SFSWAP: variants seen among roughly 807,000 people sequenced by gnomAD.
SFSWAP encodes splicing factor SWAP.
Under a neutral mutation model 100.7 loss-of-function variants are expected in SFSWAP, and 17 were observed. That is an observed-to-expected ratio of 0.17 (90% confidence interval 0.12 to 0.25). SFSWAP has a LOEUF of 0.25. Among genes scored for constraint, SFSWAP ranks in the 10% least tolerant of loss-of-function variants. SFSWAP has a pLI of 1.00. For missense variants in SFSWAP, 1,005 were observed against 1,262.6 expected (o/e 0.80, Z 3.09); for synonymous variants, 504 against 510.1 (o/e 0.99, Z 0.16).
At chr12:131,732,961 C>T (rs1211930937) in intron 7 of SFSWAP, among the ~76,000 whole-genome samples, 1 of 152,154 alleles carries the variant, frequency 6.6e-6, no homozygotes, top group Admixed American at 6.5e-5. Context: ...GGGCTAGTGT[C>T]CTTGGAGCAC....
At position 131,778,070 on chromosome 12, in the gene SFSWAP, C is replaced by A; in HGVS notation, c.2148C>A (p.Ser716=). ...GATTTTCCTTTTATTCTTAGGAATC[C>A]AGCACTACGCCCTGCCCTCTACTGA... ...IEESPFSVEE[S]STTPCPLLTG... Residue 716 remains serine (S), a synonymous_variant, in exon 14 of 18, where the codon TCC becomes TCA. Transcript: ENST00000261674. This position sits in a 1 kb window ranked among gnomAD's most constrained non-coding sequence, Gnocchi z 4.2. 2 of 1,603,676 alleles carry A rather than the reference C, an allele frequency of 1.2e-6. No homozygotes were observed. The highest frequency in any genetic ancestry group is 1.1e-5 in the South Asian group (1 of 90,222).
At position 131,714,466 on chromosome 12, in the gene SFSWAP, G is replaced by T; in HGVS notation, c.388+226G>T. 1 of 501,762 alleles carries T rather than the reference G, an allele frequency of 2.0e-6. No individual in the cohort carries two copies. 31.1% of individuals were successfully genotyped at this position (501,762 alleles called of 1,614,324 possible). On this transcript the variant is annotated intron_variant, in intron 2 of 17. Coordinates refer to ENST00000261674, the MANE Select transcript of SFSWAP (RefSeq NM_004592.4). This position sits in a 1 kb window ranked among gnomAD's most constrained non-coding sequence, Gnocchi z 6.0. ...AGCTTTTGAGGGCAGACTGGGATTT[G>T]AAAAAAACAAAAACCAAACTCTTTA...
At chr12:131,755,320 G>A in intron 9 of SFSWAP, 66 bp from the exon 10 acceptor site, 1 of 1,087,132 alleles carries the variant, frequency 9.2e-7, no homozygotes, top group Non-Finnish European at 1.4e-6. Flanking sequence ...TAGGAGAACA[G>A]GGCCTGTTGT....
intron 7 of SFSWAP, among the ~76,000 whole-genome samples, chr12:131,751,881 A>G (rs1222801580): frequency 1.3e-5 from 2 of 152,202 alleles, no homozygotes; most frequent in African/African-American, 2.4e-5. Flanking sequence ...ATCTGTGTTG[A>G]CGATAATGTG....
At position 131,762,429 on chromosome 12, in the gene SFSWAP, T is replaced by C. The variant is rs1882755076; in HGVS notation, c.1721-2027T>C. ...CTTTCTCAAAAAAAATAAAATAAAA[T>C]GTAAAATGAAATAAGCATTGCTAGA... On this transcript the variant is annotated intron_variant, in intron 11 of 17. Transcript: ENST00000261674. Among the ~76,000 whole-genome samples the C allele has an allele frequency of 3.9e-5, 6 of 152,216 alleles. No homozygotes were observed. In the South Asian group the frequency reaches 1.2e-3, roughly 32 times the overall value.
intron 11 of SFSWAP, among the ~76,000 whole-genome samples, chr12:131,762,791 G>A (rs1056649877): frequency 1.3e-5 from 2 of 152,182 alleles, no homozygotes; most frequent in Admixed American, 1.3e-4. Context: ...AGTAGAGACA[G>A]GGTTTCACCG....
chr12:131,766,525 A>G (rs1883133355), intron 13 of SFSWAP, among the ~76,000 whole-genome samples: 1 of 152,218 alleles, frequency 6.6e-6, no homozygotes, highest in Non-Finnish European at 1.5e-5. Context: ...CGCCAGCAGC[A>G]AACACTGCCC....
intron 7 of SFSWAP, among the ~76,000 whole-genome samples, chr12:131,744,674 A>G (rs1880953235): frequency 1.3e-5 from 2 of 152,180 alleles, no homozygotes; most frequent in African/African-American, 4.8e-5. Context: ...TCACTTCCAC[A>G]TTCTGGGGTT....
At chr12:131,762,432 A>G (rs1882755759) in intron 11 of SFSWAP, among the ~76,000 whole-genome samples, 1 of 152,224 alleles carries the variant, frequency 6.6e-6, no homozygotes, top group African/African-American at 2.4e-5. Flanking sequence ...AATAAAATGT[A>G]AAATGAAATA....
chr12:131,714,325 T>A lies in SFSWAP; in HGVS notation c.388+85T>A, dbSNP rs1877684215. ...AAATTTACTCCCATTCATTTTTTTATACTCACTCTTTCTGATATTATCTTG... is the reference window on the plus strand; with the variant it reads ...AAATTTACTCCCATTCATTTTTTTAAACTCACTCTTTCTGATATTATCTTG... On this transcript the variant is annotated intron_variant, in intron 2 of 17. Coordinates refer to ENST00000261674, the MANE Select transcript of SFSWAP (RefSeq NM_004592.4). This position sits in a 1 kb window ranked among gnomAD's most constrained non-coding sequence, Gnocchi z 6.0. The A allele has an allele frequency of 8.8e-7, 1 of 1,132,272 alleles. No individual in the cohort carries two copies. Among genetic ancestry groups the A allele is most frequent in the South Asian group, 1.5e-5 (1 of 65,578 alleles). The allele number at this position is 1,132,272 out of a possible 1,614,324, so 70.1% of individuals were successfully genotyped here. A position where few individuals can be genotyped will look rare whatever the true frequency, so the allele number is the denominator to read the frequency against.
chr12:131,775,979 G>A (rs549966883), intron 13 of SFSWAP, among the ~76,000 whole-genome samples: 30 of 151,902 alleles, frequency 2.0e-4, no homozygotes, highest in African/African-American at 6.0e-4. Flanking sequence ...GCACATGCCT[G>A]TAATCCCAGC....
chr12:131,766,632 T>C (rs1342594098), intron 13 of SFSWAP, among the ~76,000 whole-genome samples: 1 of 152,194 alleles, frequency 6.6e-6, no homozygotes, highest in African/African-American at 2.4e-5. Flanking sequence ...GGAAATGTGG[T>C]GGACACACTT....
At chr12:131,740,978 T>C (rs1880568319) in intron 7 of SFSWAP, among the ~76,000 whole-genome samples, 1 of 137,200 alleles carries the variant, frequency 7.3e-6, no homozygotes, top group Non-Finnish European at 1.6e-5. Context: ...TTTTTTTTTT[T>C]TTTTTTTTTT....
chr12:131,758,681 TCA>T (rs1215007479), intron 11 of SFSWAP, among the ~76,000 whole-genome samples: 3 of 152,226 alleles, frequency 2.0e-5, no homozygotes, highest in African/African-American at 7.2e-5. Flanking sequence ...GTGTGGTGGC[TCA>T]CGCCCATAAT....
At chr12:131,744,300 AC>A (rs1880922110) in intron 7 of SFSWAP, among the ~76,000 whole-genome samples, 1 of 152,172 alleles carries the variant, frequency 6.6e-6, no homozygotes, top group African/African-American at 2.4e-5. Flanking sequence ...TCCTTATAAA[AC>A]TGAATGCCTT....
intron 16 of SFSWAP, among the ~76,000 whole-genome samples, chr12:131,797,891 A>C (rs939286260): frequency 3.3e-5 from 5 of 152,258 alleles, no homozygotes; most frequent in Non-Finnish European, 5.9e-5. Flanking sequence ...TGGGGGGACC[A>C]GAGAGGGCAG....
Position 131,753,358 on chromosome 12 carries a change from C to A in SFSWAP, c.1317C>A (p.Thr439=), listed in dbSNP as rs759963344. 6.2e-7 allele frequency: 1 copy of A among 1,612,534 alleles called. No homozygotes were observed. The highest frequency in any genetic ancestry group is 1.3e-5 in the African/African-American group (1 of 74,900). Residue 439 remains threonine (T), a synonymous_variant, in exon 8 of 18, where the codon ACC becomes ACA. Coordinates refer to ENST00000261674, the MANE Select transcript of SFSWAP (RefSeq NM_004592.4). ...GCGGGGCCACCTCCACAACCACCAC[C>A]ACAAGGTAGGTGCAGCGTCCACCGC... The part of the protein sequence containing the change: ...TSSGATSTTT[T]TSALAPVAAI...
In SFSWAP at chr12:131,794,663, G is replaced by A. The variant is rs1332993272; in HGVS notation, c.2535-2515G>A. On this transcript the variant is annotated intron_variant, in intron 15 of 17. Coordinates refer to ENST00000261674, the MANE Select transcript of SFSWAP (RefSeq NM_004592.4). This position sits in a 1 kb window ranked among gnomAD's most constrained non-coding sequence, Gnocchi z 4.8. ...TGGGGAACGCTGAGGGTGGAGAAGGGGTATAGACGGACTTGAAGTGGCATT... is the reference window on the plus strand; with the variant it reads ...TGGGGAACGCTGAGGGTGGAGAAGGAGTATAGACGGACTTGAAGTGGCATT... Among the ~76,000 whole-genome samples, 3 of 152,210 alleles carry A rather than the reference G, an allele frequency of 2.0e-5. No homozygotes were observed. Among genetic ancestry groups the A allele is most frequent in the African/African-American group, 7.2e-5 (3 of 41,456 alleles).
At chr12:131,753,429 T>C in intron 8 of SFSWAP, 66 bp downstream of exon 8, 1 of 1,527,922 alleles carries the variant, frequency 6.5e-7, no homozygotes, top group Non-Finnish European at 8.8e-7. Flanking sequence ...TGGGGCCGTC[T>C]GTGTCTCCAT....
Sources: allele counts gnomAD v4.1 joint callset (sites outside exome capture counted in the v4.1 genomes callset), GRCh38; gene constraint gnomAD v4.1.1; non-coding constraint Gnocchi (gnomAD v3.1); transcripts MANE v1.5; gene names NCBI Gene and HGNC (gene_info 2026-07-23, HGNC 2026-07-21).